The following UNC79 variants were observed in gnomAD, a reference collection of about 807,000 sequenced individuals.
UNC79 encodes the protein protein unc-79 homolog.
Under a neutral mutation model 283.1 loss-of-function variants are expected in UNC79, and 37 were observed. The ratio of observed to expected loss-of-function variants is 0.13; its 90% CI spans 0.10 to 0.17. UNC79 has a LOEUF of 0.17. Among genes scored for constraint, UNC79 ranks in the 10% least tolerant of loss-of-function variants. The pLI, the probability that UNC79 is intolerant of heterozygous loss-of-function variation, is 1.00. For missense variants in UNC79, 2,272 were observed against 3,211.1 expected (o/e 0.71, Z 7.07); for synonymous variants, 1,107 against 1,200.2 (o/e 0.92, Z 1.61).
At chr14:93,580,459 C>A in intron 19 of UNC79, 83 bp downstream of exon 19, 1 of 1,339,588 alleles carries the variant, frequency 7.5e-7, no homozygotes, top group Non-Finnish European at 1.0e-6. Flanking sequence ...CTTCCTCCAG[C>A]AGCATCTTAT....
chr14:93,453,397 A>G (rs895939731), intron 1 of UNC79, among the ~76,000 whole-genome samples: 9 of 152,230 alleles, frequency 5.9e-5, no homozygotes, highest in Admixed American at 4.6e-4. Context: ...ATAATTCCTC[A>G]GTTCTTCAAA....
upstream of UNC79, among the ~76,000 whole-genome samples, chr14:93,427,524 A>G (rs1413864585): frequency 1.3e-5 from 2 of 152,182 alleles, no homozygotes; most frequent in African/African-American, 4.8e-5. Flanking sequence ...TCAAAATTTC[A>G]AACCCTTCAA....
At chr14:93,393,938 C>T (rs555211085) in intron 1 of UNC79, among the ~76,000 whole-genome samples, 2 of 152,066 alleles carry the variant, frequency 1.3e-5, no homozygotes, top group South Asian at 2.1e-4. Flanking sequence ...ATTATAATTT[C>T]CAGGTTCTAC....
At chr14:93,636,920 A>G (rs544057302) in intron 31 of UNC79, among the ~76,000 whole-genome samples, 54 of 152,034 alleles carry the variant, frequency 3.6e-4, no homozygotes, top group Non-Finnish European at 6.2e-4. Context: ...TCCTATCTGG[A>G]GATATGAGAT....
At chr14:93,347,163 T>G in intron 1 of UNC79, 3 of 1,363,032 alleles carry the variant, frequency 2.2e-6, no homozygotes, top group Non-Finnish European at 2.9e-6. Context: ...CCCTCGTGGC[T>G]GGGGCGCCTG....
intron 14 of UNC79, among the ~76,000 whole-genome samples, chr14:93,548,220 T>C (rs927452305): frequency 4.6e-5 from 7 of 152,234 alleles, no homozygotes; most frequent in Non-Finnish European, 1.0e-4. Flanking sequence ...TACGTTCTGG[T>C]TCATAGATAG....
At chr14:93,480,074 T>C (rs1381652733) in intron 4 of UNC79, among the ~76,000 whole-genome samples, 1 of 152,244 alleles carries the variant, frequency 6.6e-6, no homozygotes, top group Admixed American at 6.5e-5. Flanking sequence ...GACAATTTGT[T>C]TCTTTACACT....
At chr14:93,568,334 AC>A (rs2063018074) in intron 14 of UNC79, among the ~76,000 whole-genome samples, 1 of 152,156 alleles carries the variant, frequency 6.6e-6, no homozygotes, top group African/African-American at 2.4e-5. Flanking sequence ...ACACAAACAT[AC>A]AGACACAAAT....
chr14:93,623,092 C>G lies in UNC79; in HGVS notation c.5608+251C>G, dbSNP rs1333474916. ...ACTCTGCAGTCAATTCTTGACCACC[C>G]TTGGCAATGAGATGCATTGGTTAAT... On this transcript the variant is annotated intron_variant, in intron 30 of 48. Coordinates refer to ENST00000555664, the Ensembl canonical transcript of UNC79. 3.9e-5 allele frequency among the ~76,000 whole-genome samples: 6 copies of G among 152,328 alleles called. No individual in the cohort carries two copies. In the East Asian group the frequency reaches 1.2e-3, roughly 29 times the overall value.
intron 26 of UNC79, among the ~76,000 whole-genome samples, chr14:93,611,479 G>T (rs1477576109): frequency 6.6e-6 from 1 of 152,266 alleles, no homozygotes; most frequent in East Asian, 1.9e-4. Flanking sequence ...GGTAAATTCC[G>T]AATTTGACCT....
intron 4 of UNC79, among the ~76,000 whole-genome samples, chr14:93,481,997 A>G (rs4905073): frequency 0.55 from 83,515 of 151,970 alleles, 23,258 homozygotes; most frequent in Admixed American, 0.64. Context: ...ATGGTGATTA[A>G]GGATAACTTC....
At chr14:93,460,458 C>T (rs188292585) in intron 1 of UNC79, among the ~76,000 whole-genome samples, 26 of 142,234 alleles carry the variant, frequency 1.8e-4, no homozygotes, top group African/African-American at 4.7e-4. Context: ...TGCAGTGAGC[C>T]AAGATCGTGC....
intron 14 of UNC79, among the ~76,000 whole-genome samples, chr14:93,551,335 C>T (rs2061888676): frequency 6.6e-6 from 1 of 152,232 alleles, no homozygotes; most frequent in South Asian, 2.1e-4. Context: ...AGGCGTAAGC[C>T]ACCGTGCCCG....
chr14:93,598,406 G>T (rs1164596871), intron 24 of UNC79, among the ~76,000 whole-genome samples: 4 of 145,192 alleles, frequency 2.8e-5, no homozygotes, highest in Non-Finnish European at 6.0e-5. Context: ...GTGTGTGTGT[G>T]TGTGGCAGAT....
chr14:93,470,537 C>T (rs915323982), intron 2 of UNC79, among the ~76,000 whole-genome samples: 4 of 152,262 alleles, frequency 2.6e-5, no homozygotes, highest in African/African-American at 9.6e-5. Flanking sequence ...GTGTCTGGAG[C>T]AGTGTTTAAC....
chr14:93,673,603 A>G (rs2073076734), intron 41 of UNC79, 148 bp downstream of exon 44: 1 of 566,322 alleles, frequency 1.8e-6, no homozygotes, highest in East Asian at 3.2e-5. Flanking sequence ...GATCTAACTA[A>G]TAGTATGCAC....
intron 7 of UNC79, among the ~76,000 whole-genome samples, chr14:93,502,830 G>T (rs2059361649): frequency 6.6e-6 from 1 of 152,146 alleles, no homozygotes; most frequent in African/African-American, 2.4e-5. Context: ...AGTACTACAA[G>T]GTGAAATTTT....
At chr14:93,680,700 TCTC>T (rs1237463868) in intron 41 of UNC79, among the ~76,000 whole-genome samples, 1 of 152,100 alleles carries the variant, frequency 6.6e-6, no homozygotes, top group Non-Finnish European at 1.5e-5. Context: ...AAGCGATTCT[TCTC>T]CTGCCTCAGC....
Position 93,671,838 on chromosome 14 carries a change from C to T in UNC79, c.6637-1513C>T, listed in dbSNP as rs147486443. Among the ~76,000 whole-genome samples the T allele has an allele frequency of 4.3e-4, 66 of 152,146 alleles. 1 individual carries two copies. In the East Asian group the frequency reaches 0.012, roughly 28 times the overall value. ...TAATCCCACTAAATAAATAATCCCT[C>T]TAAGTAAATAATCCCACTAAACAGT... On this transcript the variant is annotated intron_variant, in intron 40 of 48. Coordinates refer to ENST00000555664, the Ensembl canonical transcript of UNC79.
Sources: gnomAD v4.1 joint callset for allele counts (sites outside exome capture counted in the v4.1 genomes callset) on GRCh38, gnomAD v4.1.1 for gene constraint, MANE v1.5 for transcripts, NCBI Gene and HGNC (gene_info 2026-07-23, HGNC 2026-07-21) for gene names.